ZNF263: variants seen among roughly 807,000 people sequenced by gnomAD.
ZNF263 encodes zinc finger protein 263.
In ZNF263, 49 loss-of-function variants were observed where a neutral mutation model predicts 63.1. The observed-to-expected ratio is 0.78, with a 90% CI of 0.62 to 0.99. The LOEUF (loss-of-function observed/expected upper bound fraction) is 0.99, where lower values mean the gene tolerates loss of function less well. ZNF263 is among the 50% of genes least tolerant of loss of function. The probability of loss-of-function intolerance (pLI) is 0.00; values close to 1 mark genes in which losing one functional copy is unlikely to be tolerated. For synonymous variants in ZNF263, 352 were observed against 324.2 expected (o/e 1.09, Z -0.92); for missense variants, 872 against 854.8 (o/e 1.02, Z -0.25).
intron 5 of ZNF263, among the ~76,000 whole-genome samples, chr16:3,289,065 G>T (rs1283106551): frequency 6.6e-6 from 1 of 152,202 alleles, no homozygotes; most frequent in Non-Finnish European, 1.5e-5. Context: ...CCAGGGTGCA[G>T]AGTTCAAGGA....
downstream of ZNF263, among the ~76,000 whole-genome samples, chr16:3,293,940 GT>G (rs1157355858): frequency 1.3e-5 from 2 of 152,104 alleles, no homozygotes; most frequent in African/African-American, 4.8e-5. Context: ...GTTTTGTTTT[GT>G]TTGAGACGGA....
rs1275997132 is a variant in ZNF263 at position 3,290,154 on chromosome 16, G to A, written c.1648G>A (p.Glu550Lys). 6.2e-7 allele frequency: 1 copy of A among 1,614,088 alleles called. No homozygotes were observed. The highest frequency in any genetic ancestry group is 1.1e-5 in the South Asian group (1 of 91,078). Reference sequence around the variant, plus strand: ...GAGAGAGAGACTTTACCCCTTCTCTGAGTGTGGGGAAGCTGTGAGTGACAG... The same window carrying A: ...GAGAGAGAGACTTTACCCCTTCTCTAAGTGTGGGGAAGCTGTGAGTGACAG... ...HERERLYPFS[E>K]CGEAVSDSTP... The change falls in exon 6 of 6, where the codon GAG becomes AAG. Residue 550 changes from glutamate (E) to lysine (K), a missense_variant. Coordinates refer to ENST00000219069, the MANE Select transcript of ZNF263 (RefSeq NM_005741.5).
chr16:3,292,057 C>T (rs1567255078), downstream of ZNF263, among the ~76,000 whole-genome samples: 1 of 152,106 alleles, frequency 6.6e-6, no homozygotes, highest in Non-Finnish European at 1.5e-5. Flanking sequence ...ACTAGCATTG[C>T]ATTTTAGAAT....
downstream of ZNF263, chr16:3,291,464 CT>C: frequency 1.1e-5 from 11 of 985,118 alleles, no homozygotes; most frequent in Non-Finnish European, 1.3e-5. Flanking sequence ...ACATAAATGT[CT>C]GTGAGTCTTC....
At chr16:3,299,482 C>G in intron 2 of ZNF263, 1 of 1,549,168 alleles carries the variant, frequency 6.5e-7, no homozygotes, top group Non-Finnish European at 8.7e-7. Flanking sequence ...AAAAATTGCA[C>G]TTTTTATATT....
Position 3,290,021 on chromosome 16 carries a change from CCTT to C in ZNF263, c.1517_1519del (p.Leu506del), listed in dbSNP as rs768554571. 1 of 1,614,054 alleles carries C rather than the reference CCTT, an allele frequency of 6.2e-7. No individual in the cohort carries two copies. The highest frequency in any genetic ancestry group is 8.5e-7 in the Non-Finnish European group (1 of 1,180,002). Reference sequence around the variant, plus strand: ...AGATCTTTGCTCACAGTTCCAACCTCCTTCGGCACCAGAGAATTCACACTGGAG... The same window carrying C: ...AGATCTTTGCTCACAGTTCCAACCTCCGGCACCAGAGAATTCACACTGGAG... On this transcript the variant is annotated inframe_deletion, in exon 6 of 6. Transcript: ENST00000219069.
Position 3,290,684 on chromosome 16 carries a change from T to C in ZNF263, c.*126T>C, listed in dbSNP as rs963747575. ...CATTCTTCAGGTAATGGGGGCTCAT[T>C]GTGAGGGAGGTGCAGAGGCAGCAGA... On this transcript the variant is annotated 3_prime_UTR_variant, in exon 6 of 6. Coordinates refer to ENST00000219069, the MANE Select transcript of ZNF263 (RefSeq NM_005741.5). The C allele has an allele frequency of 3.0e-5, 44 of 1,448,296 alleles. No homozygotes were observed. Among genetic ancestry groups the C allele is most frequent in the Non-Finnish European group, 3.7e-5 (41 of 1,107,326 alleles). 89.7% of individuals were successfully genotyped at this position (1,448,296 alleles called of 1,614,324 possible).
intron 2 of ZNF263, chr16:3,300,417 A>G: frequency 6.2e-7 from 1 of 1,614,180 alleles, no homozygotes; most frequent in Non-Finnish European, 8.5e-7. Flanking sequence ...TTCTCTTCTC[A>G]GCCCCTACTA....
chr16:3,286,607 A>G (rs1044330250), intron 4 of ZNF263: 1 of 153,024 alleles, frequency 6.5e-6, no homozygotes, highest in African/African-American at 2.4e-5. Flanking sequence ...ATTCCAGCCT[A>G]TCATCTCTCA....
rs34751211 is a variant in ZNF263, at chr16:3,287,405, C to CTTTT, written c.770-1028_770-1025dup. ...ACAGGTGTGAGCCACCACACCCGGC[C>CTTTT]TTTTTTTTTTTTTTTTTTTTTTTTG... On this transcript the variant is annotated intron_variant, in intron 4 of 5. Coordinates refer to ENST00000219069, the MANE Select transcript of ZNF263 (RefSeq NM_005741.5). Among the ~76,000 whole-genome samples, 497 of 97,848 alleles carry CTTTT rather than the reference C, an allele frequency of 5.1e-3. 21 individuals are homozygous for CTTTT. Among genetic ancestry groups the CTTTT allele is most frequent in the African/African-American group, 0.018 (431 of 24,450 alleles). The allele number at this position is 97,848 out of a possible 152,430, so 64.2% of individuals were successfully genotyped here. A position where few individuals can be genotyped will look rare whatever the true frequency, so the allele number is the denominator to read the frequency against.
Position 3,290,766 on chromosome 16 carries a change from C to T in ZNF263, c.*208C>T. ...CTGCATGAGAAAGGATGGCAAGTCT[C>T]TGAGGTGACCTCAGGGTGGAATTCT... On this transcript the variant is annotated 3_prime_UTR_variant, in exon 6 of 6. Coordinates refer to ENST00000219069, the MANE Select transcript of ZNF263 (RefSeq NM_005741.5). 1 of 1,376,450 alleles carries T rather than the reference C, an allele frequency of 7.3e-7. No individual in the cohort carries two copies. Among genetic ancestry groups the T allele is most frequent in the Non-Finnish European group, 9.4e-7 (1 of 1,068,198 alleles). 85.3% of individuals were successfully genotyped at this position (1,376,450 alleles called of 1,614,324 possible). A position where few individuals can be genotyped will look rare whatever the true frequency, so the allele number is the denominator to read the frequency against.
In ZNF263 at chr16:3,285,135, G is replaced by C; in HGVS notation, c.464G>C (p.Ser155Thr). The change falls in exon 2 of 6, where the codon AGC (serine) becomes ACC (threonine). Residue 155 changes from serine (S) to threonine (T), a missense_variant. Physicochemically the swap from Ser to Thr is moderately conservative, Grantham distance 58. Transcript: ENST00000219069. The stretch of plus-strand genomic sequence containing the variant: ...CTGGAAACAGCACGAGAGTCACCGA[G>C]CTTCAAGCTGGAGCCAATGGAGACT... ...LPLETARESP[S>T]FKLEPMETER... 6.2e-7 allele frequency: 1 copy of C among 1,614,164 alleles called. No individual in the cohort carries two copies.
intron 2 of ZNF263, chr16:3,300,761 AG>A (rs1959917960): frequency 2.2e-6 from 3 of 1,362,892 alleles, no homozygotes; most frequent in Non-Finnish European, 2.9e-6. Context: ...AATGGACTGA[AG>A]GGGCTAACCA....
intron 2 of ZNF263, chr16:3,299,237 C>G: frequency 1.9e-6 from 3 of 1,610,886 alleles, no homozygotes; most frequent in Non-Finnish European, 2.5e-6. Flanking sequence ...TGAACAACTT[C>G]CTTTGTTATT....
At position 3,291,145 on chromosome 16, in the gene ZNF263, A is replaced by C. The variant is rs1959600500; in HGVS notation, c.*587A>C. ...AGGAGTGCCCATTGGCAGATTACAC[A>C]TGTAAATATGACCTCAGACAAAAAG... On this transcript the variant is annotated 3_prime_UTR_variant, in exon 6 of 6. Coordinates refer to ENST00000219069, the MANE Select transcript of ZNF263 (RefSeq NM_005741.5). The C allele has an allele frequency of 1.0e-6, 1 of 986,040 alleles. No individual in the cohort carries two copies. Among genetic ancestry groups the C allele is most frequent in the South Asian group, 4.7e-5 (1 of 21,338 alleles). 61.1% of individuals were successfully genotyped at this position (986,040 alleles called of 1,614,324 possible). A position where few individuals can be genotyped will look rare whatever the true frequency, so the allele number is the denominator to read the frequency against.
chr16:3,297,237 C>T (rs539637894), intron 1 of ZNF263, among the ~76,000 whole-genome samples: 38 of 143,836 alleles, frequency 2.6e-4, no homozygotes, highest in African/African-American at 9.2e-4. Flanking sequence ...GAGGTTGCAG[C>T]GAGCCAAGAT....
At chr16:3,300,248 T>A in intron 2 of ZNF263, 1 of 1,614,266 alleles carries the variant, frequency 6.2e-7, no homozygotes, top group Non-Finnish European at 8.5e-7. Context: ...AGCCAACCAG[T>A]GCTAGCTTTG....
chr16:3,290,994 G>A lies in ZNF263; in HGVS notation c.*436G>A. 6.0e-6 allele frequency: 6 copies of A among 999,180 alleles called. No homozygotes were observed. The highest frequency in any genetic ancestry group is 6.0e-6 in the Non-Finnish European group (5 of 836,660). The allele number at this position is 999,180 out of a possible 1,614,324, so 61.9% of individuals were successfully genotyped here. A position where few individuals can be genotyped will look rare whatever the true frequency, so the allele number is the denominator to read the frequency against. ...CCTGAGACCAAAGAAGAGGGGCCAA[G>A]TACCCTGGGAAATCAGCTGAAGGTC... On this transcript the variant is annotated 3_prime_UTR_variant, in exon 6 of 6. Transcript: ENST00000219069.
intron 4 of ZNF263, chr16:3,286,891 C>A (rs1205921360): frequency 6.6e-6 from 1 of 152,118 alleles, no homozygotes; most frequent in Non-Finnish European, 1.5e-5. Context: ...TAAAACAAGA[C>A]TGTGTGTACA....
Sources: allele counts gnomAD v4.1 joint callset (sites outside exome capture counted in the v4.1 genomes callset), GRCh38; gene constraint gnomAD v4.1.1; transcripts MANE v1.5; gene names NCBI Gene and HGNC (gene_info 2026-07-23, HGNC 2026-07-21).